ANO3: variants seen among roughly 807,000 people sequenced by gnomAD.
ANO3 encodes the protein anoctamin 3.
Under a neutral mutation model 144.8 loss-of-function variants are expected in ANO3, and 99 were observed. The observed-to-expected ratio is 0.68, with a 90% CI of 0.58 to 0.81. ANO3 has a LOEUF of 0.81. Ranked by LOEUF, ANO3 falls within the 30% of genes least tolerant of loss-of-function variation. The probability of loss-of-function intolerance (pLI) is 0.00; values close to 1 mark genes in which losing one functional copy is unlikely to be tolerated. For synonymous variants in ANO3, 414 were observed against 392.6 expected, an observed-to-expected ratio of 1.05 and a Z score of -0.64; for missense variants, 905 against 1,202.2, an observed-to-expected ratio of 0.75 and a Z score of 3.66.
Position 26,442,109 on chromosome 11 carries a change from C to T in ANO3, c.238C>T (p.Gln80Ter). 1.2e-6 allele frequency: 2 copies of T among 1,609,756 alleles called. No individual in the cohort carries two copies. The highest frequency in any genetic ancestry group is 1.7e-6 in the Non-Finnish European group (2 of 1,178,930). The change falls in exon 2 of 27, where the codon CAA becomes TAA. Residue 80 changes from glutamine to a stop codon, truncating the protein, a stop_gained. Coordinates refer to ENST00000256737, the MANE Select transcript of ANO3 (RefSeq NM_031418.4). LOFTEE classifies it high-confidence loss of function. ...ITLISTDKAE[Q>*]VNTEENKNDS... ...CTTAATCTCCACTGACAAAGCAGAG[C>T]AAGGTGAGCAGCAATTCCTATTTTC...
At chr11:26,284,736 A>G (rs1430266346) in intron 1 of ANO3, among the ~76,000 whole-genome samples, 1 of 104,218 alleles carries the variant, frequency 9.6e-6, no homozygotes, top group Non-Finnish European at 2.0e-5. Context: ...CGTCTCTACT[A>G]AAAAAAAAAT....
chr11:26,458,056 T>C (rs972878134), intron 3 of ANO3, among the ~76,000 whole-genome samples: 2 of 152,118 alleles, frequency 1.3e-5, no homozygotes, highest in Non-Finnish European at 2.9e-5. Context: ...ATCTTAAAAA[T>C]AGGAAATATA....
chr11:26,422,021 G>A (rs978567507), intron 1 of ANO3, among the ~76,000 whole-genome samples: 1 of 151,990 alleles, frequency 6.6e-6, no homozygotes, highest in Admixed American at 6.6e-5. Flanking sequence ...GCTGGGTGAT[G>A]AAGTAATCTC....
At chr11:26,608,802 G>A (rs560739995) in intron 17 of ANO3, among the ~76,000 whole-genome samples, 2 of 152,242 alleles carry the variant, frequency 1.3e-5, no homozygotes, top group Admixed American at 1.3e-4. Context: ...CCTGGCTCCA[G>A]CACGGGAAAA....
chr11:26,217,081 A>G (rs1310847959), intron 1 of ANO3, among the ~76,000 whole-genome samples: 1 of 152,024 alleles, frequency 6.6e-6, no homozygotes, highest in Non-Finnish European at 1.5e-5. Context: ...ATTCCAACTA[A>G]TCAATTTTTT....
chr11:26,420,324 T>C (rs538253176), intron 1 of ANO3, among the ~76,000 whole-genome samples: 4 of 152,228 alleles, frequency 2.6e-5, no homozygotes, highest in African/African-American at 7.2e-5. Flanking sequence ...CCAAAAGTTA[T>C]GCTGAAAGTT....
In ANO3 at chr11:26,474,082, A is replaced by C. The variant is rs904562388; in HGVS notation, c.432+10934A>C. On this transcript the variant is annotated intron_variant, in intron 4 of 26. Coordinates refer to ENST00000256737, the MANE Select transcript of ANO3 (RefSeq NM_031418.4). ...AAGATTGTCATTTGAGACTGTTGTC[A>C]GCAATGAAGGATTCCAAATGCAGCT... The C allele has an allele frequency of 1.1e-5, 11 of 985,120 alleles. No homozygotes were observed. The African/African-American group carries it at 1.7e-4, about 16-fold the overall frequency. The allele number at this position is 985,120 out of a possible 1,614,324, so 61.0% of individuals were successfully genotyped here.
intron 14 of ANO3, among the ~76,000 whole-genome samples, chr11:26,563,436 G>T (rs1213297400): frequency 7.8e-6 from 1 of 128,994 alleles, no homozygotes; most frequent in Non-Finnish European, 1.7e-5. Context: ...TGTGTGTCTT[G>T]TAAAGTACTA....
intron 1 of ANO3, among the ~76,000 whole-genome samples, chr11:26,295,771 G>A (rs2133858056): frequency 6.6e-6 from 1 of 152,218 alleles, no homozygotes; most frequent in Non-Finnish European, 1.5e-5. Context: ...TCTTGCAGAT[G>A]CTATCGTTTG....
chr11:26,397,313 A>C, intron 1 of ANO3, among the ~76,000 whole-genome samples: 1 of 152,112 alleles, frequency 6.6e-6, no homozygotes, highest in Middle Eastern at 3.2e-3. Flanking sequence ...GTAAGATCTA[A>C]CCTCATAGCC....
At chr11:26,464,764 C>T (rs1038790921) in intron 4 of ANO3, among the ~76,000 whole-genome samples, 1 of 151,858 alleles carries the variant, frequency 6.6e-6, no homozygotes, top group African/African-American at 2.4e-5. Flanking sequence ...TACCTGATTA[C>T]ATACCCTTCT....
chr11:26,596,531 G>A (rs981020999), intron 14 of ANO3, among the ~76,000 whole-genome samples: 1 of 152,188 alleles, frequency 6.6e-6, no homozygotes, highest in African/African-American at 2.4e-5. Flanking sequence ...TGAATTGGGA[G>A]AGTCACCAGG....
intron 4 of ANO3, among the ~76,000 whole-genome samples, chr11:26,471,824 A>G (rs1363278496): frequency 6.6e-6 from 1 of 151,980 alleles, no homozygotes; most frequent in Non-Finnish European, 1.5e-5. Flanking sequence ...CAAAGAAACA[A>G]AAAATAAGTC....
At chr11:26,435,590 C>T (rs1375284086) in intron 1 of ANO3, among the ~76,000 whole-genome samples, 1 of 152,188 alleles carries the variant, frequency 6.6e-6, no homozygotes, top group African/African-American at 2.4e-5. Context: ...GTTTTGTTCA[C>T]TCTTTTTTAT....
chr11:26,625,256 A>G (rs1313597867), intron 18 of ANO3, among the ~76,000 whole-genome samples: 1 of 152,046 alleles, frequency 6.6e-6, no homozygotes, highest in Non-Finnish European at 1.5e-5. Flanking sequence ...TTATTTTGTT[A>G]TTTCCCACCA....
chr11:26,390,619 C>G (rs767032792), intron 1 of ANO3, among the ~76,000 whole-genome samples: 4 of 152,032 alleles, frequency 2.6e-5, no homozygotes, highest in Non-Finnish European at 5.9e-5. Flanking sequence ...AGGATATGAA[C>G]TTCATAATGT....
chr11:26,379,154 C>T (rs570893129), intron 1 of ANO3, among the ~76,000 whole-genome samples: 11 of 152,090 alleles, frequency 7.2e-5, no homozygotes, highest in East Asian at 3.9e-4. Context: ...AGAACTGCTA[C>T]GAAGATTCTA....
intron 1 of ANO3, among the ~76,000 whole-genome samples, chr11:26,255,484 C>G (rs769611534): frequency 6.6e-6 from 1 of 152,134 alleles, no homozygotes; most frequent in Non-Finnish European, 1.5e-5. Context: ...CGTGAGAAAT[C>G]TTAGTACTCT....
chr11:26,558,354 A>G (rs1850150750), intron 13 of ANO3, among the ~76,000 whole-genome samples: 1 of 151,940 alleles, frequency 6.6e-6, no homozygotes, highest in Non-Finnish European at 1.5e-5. Context: ...TTCCTGTATG[A>G]TGTTGGTTTA....
Sources: gnomAD v4.1 joint callset for allele counts (sites outside exome capture counted in the v4.1 genomes callset) on GRCh38, gnomAD v4.1.1 for gene constraint, MANE v1.5 for transcripts, NCBI Gene and HGNC (gene_info 2026-07-23, HGNC 2026-07-21) for gene names.